ARHGEF16: variants seen among roughly 807,000 people sequenced by gnomAD.
ARHGEF16 encodes the protein Rho guanine nucleotide exchange factor 16, also known as Rho guanine exchange factor (GEF) 16.
In ARHGEF16, 59 loss-of-function variants were observed where a neutral mutation model predicts 74.1. The observed-to-expected ratio is 0.80, with a 90% CI of 0.65 to 0.99. ARHGEF16 has a LOEUF of 0.99. Among genes scored for constraint, ARHGEF16 ranks in the 50% least tolerant of loss-of-function variants. ARHGEF16 has a pLI of 0.00. For synonymous variants in ARHGEF16, 415 were observed against 412.6 expected (o/e 1.01, Z -0.07); for missense variants, 948 against 986.6 (o/e 0.96, Z 0.52).
Position 3,479,881 on chromosome 1 carries a change from CGGACGTGGTCCTGGTTCTGCAGCAGGA to C in ARHGEF16, c.1962_1988del (p.Val655_Asp663del). ...GCAGACGAGGTCACACTGCAGCAGG[CGGACGTGGTCCTGGTTCTGCAGCAGGA>C]GGATGGTGAGTGCAGGGGCGTTGGG... On this transcript the variant is annotated inframe_deletion, in exon 14 of 15. Transcript: ENST00000378378. 1 of 1,612,214 alleles carries C rather than the reference CGGACGTGGTCCTGGTTCTGCAGCAGGA, an allele frequency of 6.2e-7. No individual in the cohort carries two copies.
In ARHGEF16 at chr1:3,478,475, G is replaced by A. The variant is rs10797395; in HGVS notation, c.1677G>A (p.Val559=). 1,350,013 of 1,612,166 alleles carry A rather than the reference G, an allele frequency of 0.84. 573,607 individuals carry two copies. The highest frequency in any genetic ancestry group is 0.87 in the South Asian group (79,552 of 91,034). The change falls in exon 12 of 15, where the codon GTG becomes GTA. Residue 559 remains valine, a synonymous_variant. Transcript: ENST00000378378. ...ACGCCCAGATGAACCACATCCAGGTGGAGAAGATAGAGCCGTCTGAGCTCC... is the reference window on the plus strand; with the variant it reads ...ACGCCCAGATGAACCACATCCAGGTAGAGAAGATAGAGCCGTCTGAGCTCC... The part of the protein sequence containing the change: ...QDYAQMNHIQ[V]EKIEPSELPL...
At position 3,466,037 on chromosome 1, in the gene ARHGEF16, C is replaced by T. The variant is rs932687215; in HGVS notation, c.589-111C>T. The T allele has an allele frequency of 2.5e-6, 3 of 1,221,980 alleles. No individual in the cohort carries two copies. In the African/African-American group the frequency reaches 4.6e-5, roughly 19 times the overall value. The allele number at this position is 1,221,980 out of a possible 1,614,324, so 75.7% of individuals were successfully genotyped here. On this transcript the variant is annotated intron_variant, in intron 2 of 14. Transcript: ENST00000378378. Reference sequence around the variant, plus strand: ...CCCTGTGGAGCTGACATCTATTGGGCACAGCTTCGCATGTGGAGCCGAGAG... The same window carrying T: ...CCCTGTGGAGCTGACATCTATTGGGTACAGCTTCGCATGTGGAGCCGAGAG...
chr1:3,466,340 A>G (rs1298239503), intron 3 of ARHGEF16, 147 bp downstream of exon 3: 3 of 851,276 alleles, frequency 3.5e-6, no homozygotes, highest in Non-Finnish European at 5.4e-6. Context: ...CTGAGGTCCC[A>G]GTGGCTGGTC....
chr1:3,478,219 C>T, intron 11 of ARHGEF16, 193 bp downstream of exon 11: 4 of 924,196 alleles, frequency 4.3e-6, no homozygotes, highest in East Asian at 2.5e-5. Flanking sequence ...CTGACCTCCT[C>T]TGCAGACCTG....
rs1217721002 is a variant in ARHGEF16, at chr1:3,480,581, C to A, written c.2124C>A (p.Asp708Glu). The A allele has an allele frequency of 1.2e-6, 2 of 1,606,694 alleles. No individual in the cohort carries two copies. The highest frequency in any genetic ancestry group is 1.7e-6 in the Non-Finnish European group (2 of 1,179,404). The stretch of plus-strand genomic sequence containing the variant: ...TGGAGCGTCTGCGGGTGGAGACGGA[C>A]GTGTAGCCCTGGCGAGGCCAGCCGG... Reference protein sequence around the residue: ...RRMERLRVETDV With the variant: ...RRMERLRVETEV The change falls in exon 15 of 15, where the codon GAC (aspartate) becomes GAA (glutamate). Residue 708 changes from aspartate (D) to glutamate (E), a missense_variant. Coordinates refer to ENST00000378378, the MANE Select transcript of ARHGEF16 (RefSeq NM_014448.4).
rs370789981 is a variant in ARHGEF16 at position 3,480,461 on chromosome 1, C to A, written c.2004C>A (p.Gly668=). 3 of 1,612,510 alleles carry A rather than the reference C, an allele frequency of 1.9e-6. No homozygotes were observed. In the Admixed American group the frequency reaches 5.0e-5, roughly 27 times the overall value. ...ATCCGGGTTCAGGGTGGCTCTATGG[C>A]GAGAGGCTCCGGGACGGAGAGACGG... The part of the protein sequence containing the change: ...VLQQEDGWLY[G]ERLRDGETGW... Residue 668 remains glycine, a synonymous_variant, in exon 15 of 15, where the codon GGC becomes GGA. Coordinates refer to ENST00000378378, the MANE Select transcript of ARHGEF16 (RefSeq NM_014448.4).
intron 12 of ARHGEF16, 51 bp from the exon 13 acceptor site, chr1:3,479,466 G>A (rs977850949): frequency 1.3e-6 from 2 of 1,599,282 alleles, no homozygotes; most frequent in African/African-American, 2.7e-5. Context: ...AGGAACATCA[G>A]ACGGGCAGGA....
At chr1:3,469,378 G>A (rs1354600364) in intron 5 of ARHGEF16, 55 bp from the exon 6 acceptor site, 13 of 1,596,510 alleles carry the variant, frequency 8.1e-6, no homozygotes, top group South Asian at 3.3e-5. Context: ...ATTGGTCACC[G>A]AGGCACGCCC....
At position 3,480,378 on chromosome 1, in the gene ARHGEF16, T is replaced by TAGCA. The variant is rs1044447860; in HGVS notation, c.1991-69_1991-66dup. ...AGCCTGGCCCTGGTGTGCTCAGGCA[T>TAGCA]AGCAGCTCAGAGGGGCCGGGGGACC... On this transcript the variant is annotated intron_variant, in intron 14 of 14. Transcript: ENST00000378378. The TAGCA allele has an allele frequency of 1.8e-5, 29 of 1,589,500 alleles. No individual in the cohort carries two copies. The African/African-American group carries it at 2.5e-4, about 14-fold the overall frequency.
At chr1:3,467,568 C>T (rs761855485) in intron 4 of ARHGEF16, among the ~76,000 whole-genome samples, 61 of 152,210 alleles carry the variant, frequency 4.0e-4, no homozygotes, top group Non-Finnish European at 5.7e-4. Context: ...GTCGTGCGTG[C>T]GAGGGCCAGC....
rs777946911 is a variant in ARHGEF16, at chr1:3,462,910, C to T, written c.-19-156C>T. ...GGTCAGGACTGGCTGTGCCACTGAT[C>T]CACTGTGCTCCTGGCTGCGTCGCTG... On this transcript the variant is annotated intron_variant, in intron 1 of 14. Transcript: ENST00000378378. Among the ~76,000 whole-genome samples the T allele has an allele frequency of 9.8e-5, 15 of 152,320 alleles. No homozygotes were observed. The South Asian group carries it at 2.1e-3, about 21-fold the overall frequency.
chr1:3,473,682 G>T (rs759541127), intron 8 of ARHGEF16, 160 bp downstream of exon 8: 1 of 1,249,558 alleles, frequency 8.0e-7, no homozygotes, highest in Non-Finnish European at 1.1e-6. Context: ...TATTAACCAG[G>T]ATAACTTTGT....
intron 6 of ARHGEF16, among the ~76,000 whole-genome samples, chr1:3,471,149 C>T (rs200063846): frequency 6.6e-6 from 1 of 151,784 alleles, no homozygotes; most frequent in African/African-American, 2.4e-5. Context: ...TGTGCCTGGG[C>T]AGGGGTATGT....
intron 1 of ARHGEF16, among the ~76,000 whole-genome samples, chr1:3,460,424 G>C (rs1418261722): frequency 6.6e-6 from 1 of 152,216 alleles, no homozygotes; most frequent in Admixed American, 6.5e-5. Context: ...GTGCAGGCTG[G>C]GGTCTCTGTA....
Position 3,477,862 on chromosome 1 carries a change from T to C in ARHGEF16, c.1474-13T>C. On this transcript the variant is annotated splice_polypyrimidine_tract_variant and intron_variant, in intron 10 of 14. Transcript: ENST00000378378. The stretch of plus-strand genomic sequence containing the variant: ...CTCGCACTGATCTCCGCCTCCCGGC[T>C]CTGTCCCCCCAGTCCCTCCCACTGA... 1.2e-6 allele frequency: 2 copies of C among 1,601,350 alleles called. No individual in the cohort carries two copies. The highest frequency in any genetic ancestry group is 8.5e-7 in the Non-Finnish European group (1 of 1,170,936).
chr1:3,466,067 C>A, intron 2 of ARHGEF16, 81 bp from the exon 3 acceptor site: 3 of 1,485,148 alleles, frequency 2.0e-6, no homozygotes, highest in Non-Finnish European at 2.7e-6. Flanking sequence ...CGAGAGGTCT[C>A]TGGGGTCCCA....
chr1:3,466,570 G>A (rs1639551142), intron 3 of ARHGEF16, among the ~76,000 whole-genome samples: 1 of 152,198 alleles, frequency 6.6e-6, no homozygotes, highest in African/African-American at 2.4e-5. Flanking sequence ...CTTCGAGGCT[G>A]AAGGGGAGCC....
rs1639464492 is a variant in ARHGEF16 at position 3,463,622 on chromosome 1, C to G, written c.538C>G (p.Leu180Val). The G allele has an allele frequency of 4.2e-6, 6 of 1,429,548 alleles. No individual in the cohort carries two copies. In the East Asian group the frequency reaches 1.3e-4, roughly 30 times the overall value. 88.6% of individuals were successfully genotyped at this position (1,429,548 alleles called of 1,614,324 possible). A position where few individuals can be genotyped will look rare whatever the true frequency, so the allele number is the denominator to read the frequency against. Residue 180 changes from leucine to valine, a missense_variant, in exon 2 of 15, where the codon CTG becomes GTG. Transcript: ENST00000378378. Reference sequence around the variant, plus strand: ...CCAGCTAAGCCCTAAGCTCCAGGCTCTGGCTGAGGAACCCAGCCAGCCTCA... The same window carrying G: ...CCAGCTAAGCCCTAAGCTCCAGGCTGTGGCTGAGGAACCCAGCCAGCCTCA... ...AIQLSPKLQA[L>V]AEEPSQPHTR...
intron 8 of ARHGEF16, 133 bp downstream of exon 8, chr1:3,473,655 C>CAA: frequency 7.0e-7 from 1 of 1,429,808 alleles, no homozygotes; most frequent in Non-Finnish European, 9.5e-7. Context: ...GTAATAGTTA[C>CAA]GATCCTAAGA....
Sources: gnomAD v4.1 joint callset for allele counts (sites outside exome capture counted in the v4.1 genomes callset) on GRCh38, gnomAD v4.1.1 for gene constraint, MANE v1.5 for transcripts, NCBI Gene and HGNC (gene_info 2026-07-23, HGNC 2026-07-21) for gene names.